Variants in FBXO7 observed in about 807,000 individuals in gnomAD.
FBXO7 encodes the protein F-box protein 7, also known as F-box only protein 7.
Under a neutral mutation model 50.2 loss-of-function variants are expected in FBXO7, and 31 were observed. The ratio of observed to expected loss-of-function variants is 0.62; its 90% CI spans 0.46 to 0.83. The LOEUF is 0.83. Ranked by LOEUF, FBXO7 falls within the 40% of genes least tolerant of loss-of-function variation. The pLI, the probability that FBXO7 is intolerant of heterozygous loss-of-function variation, is 0.00. For synonymous variants in FBXO7, 256 were observed against 253.1 expected, an observed-to-expected ratio of 1.01 and a Z score of -0.11; for missense variants, 667 against 646.6, an observed-to-expected ratio of 1.03 and a Z score of -0.34.
At chr22:32,477,808 A>G (rs986693296) in intron 1 of FBXO7, among the ~76,000 whole-genome samples, 2 of 152,202 alleles carry the variant, frequency 1.3e-5, no homozygotes, top group Non-Finnish European at 2.9e-5. Flanking sequence ...TGGTGGTTGC[A>G]TTTATTTCAC....
intron 2 of FBXO7, among the ~76,000 whole-genome samples, chr22:32,482,711 T>A (rs2145991872): frequency 6.6e-6 from 1 of 152,356 alleles, no homozygotes; most frequent in East Asian, 1.9e-4. Context: ...GAAAACATTT[T>A]GAAAATAAAG....
intron 7 of FBXO7, 110 bp from the exon 8 acceptor site, chr22:32,495,383 T>A (rs1019060198): frequency 1.5e-5 from 10 of 657,898 alleles, no homozygotes; most frequent in East Asian, 1.4e-4. Flanking sequence ...TTTTTTTTTT[T>A]ATGCTTAACG....
chr22:32,475,597 A>G, intron 1 of FBXO7: 1 of 668,638 alleles, frequency 1.5e-6, no homozygotes, highest in Non-Finnish European at 2.4e-6. Flanking sequence ...GCTAGAAGTT[A>G]AAAATCTGCC....
rs746320387 is a variant in FBXO7, at chr22:32,498,198, A to G, written c.1237A>G (p.Met413Val). ...AGAATCCCCGAAAGGGCGGTTTGTG[A>G]TGCTCCTGCCATCGTCAACTCACAC... ...RKESPKGRFV[M>V]LLPSSTHTIP... The change falls in exon 9 of 9, where the codon ATG becomes GTG. Residue 413 changes from methionine to valine, a missense_variant. Transcript: ENST00000266087. The G allele has an allele frequency of 3.1e-6, 5 of 1,614,214 alleles. No homozygotes were observed. In the South Asian group the frequency reaches 3.3e-5, roughly 11 times the overall value.
At chr22:32,492,036 A>G (rs1853702518) in intron 6 of FBXO7, 1 of 152,140 alleles carries the variant, frequency 6.6e-6, no homozygotes, top group African/African-American at 2.4e-5. Context: ...GAAATTATAT[A>G]TGTCACTTCC....
chr22:32,482,964 G>A lies in FBXO7; in HGVS notation c.418-933G>A, dbSNP rs567093220. 9.8e-5 allele frequency among the ~76,000 whole-genome samples: 15 copies of A among 152,322 alleles called. No homozygotes were observed. In the South Asian group the frequency reaches 2.5e-3, roughly 25 times the overall value. ...AGTTGTGGTCTGTGTTACCTCTTTT[G>A]AAGAAGTGGAAAATACTGGGATGAG... On this transcript the variant is annotated intron_variant, in intron 2 of 8. Coordinates refer to ENST00000266087, the MANE Select transcript of FBXO7 (RefSeq NM_012179.4).
chr22:32,492,763 G>C (rs553388267), intron 6 of FBXO7: 1 of 280,064 alleles, frequency 3.6e-6, no homozygotes, highest in African/African-American at 2.2e-5. Context: ...TTCTGTAGTT[G>C]AATGAAGAAA....
rs753460095 is a variant in FBXO7 at position 32,498,178 on chromosome 22, C to T, written c.1217C>T (p.Ser406Phe). Residue 406 changes from serine (S) to phenylalanine (F), a missense_variant, in exon 9 of 9, where the codon TCC becomes TTC. By Grantham distance (155) the Ser-to-Phe change is radical (BLOSUM62 -2). Coordinates refer to ENST00000266087, the MANE Select transcript of FBXO7 (RefSeq NM_012179.4). ...YRKRHIQRKE[S>F]PKGRFVMLLP... is the part of the protein sequence containing the mutation. ...AAGAGGCACATACAAAGAAAAGAAT[C>T]CCCGAAAGGGCGGTTTGTGATGCTC... 8 of 1,614,028 alleles carry T rather than the reference C, an allele frequency of 5.0e-6. No homozygotes were observed. In the East Asian group the frequency reaches 8.9e-5, roughly 18 times the overall value.
Position 32,491,220 on chromosome 22 carries a change from A to G in FBXO7, c.967+39A>G, listed in dbSNP as rs1189978896. On this transcript the variant is annotated intron_variant, in intron 6 of 8. Coordinates refer to ENST00000266087, the MANE Select transcript of FBXO7 (RefSeq NM_012179.4). ...TACTGTCACAATTTAAATGACTGTA[A>G]AGAATAGTAAGTATACTTAATATTC... 7 of 1,360,984 alleles carry G rather than the reference A, an allele frequency of 5.1e-6. No homozygotes were observed. In the South Asian group the frequency reaches 8.2e-5, roughly 16 times the overall value. 84.3% of individuals were successfully genotyped at this position (1,360,984 alleles called of 1,614,324 possible).
At chr22:32,492,791 A>G (rs1353336097) in intron 6 of FBXO7, 3 of 338,256 alleles carry the variant, frequency 8.9e-6, no homozygotes, top group Non-Finnish European at 1.6e-5. Context: ...GTATTGAATA[A>G]TGTTTGAGAC....
chr22:32,478,074 C>G (rs181125628), intron 1 of FBXO7: 1 of 152,320 alleles, frequency 6.6e-6, no homozygotes, highest in East Asian at 1.9e-4. Flanking sequence ...GAAGAACAAA[C>G]GGAGAGGCCC....
chr22:32,485,120 T>C lies in FBXO7; in HGVS notation c.698T>C (p.Val233Ala), dbSNP rs1255264831. The C allele has an allele frequency of 6.2e-7, 1 of 1,613,886 alleles. No homozygotes were observed. Among genetic ancestry groups the C allele is most frequent in the Non-Finnish European group, 8.5e-7 (1 of 1,180,022 alleles). The stretch of plus-strand genomic sequence containing the variant: ...CCGGAGAAGTGGAAGTTGAGCGGGG[T>C]GTATAAGCTGCAGTACATGCATCCT... Reference protein sequence around the residue: ...SMPEKWKLSGVYKLQYMHPLC... With the variant: ...SMPEKWKLSGAYKLQYMHPLC... The change falls in exon 4 of 9, where the codon GTG becomes GCG. Residue 233 changes from valine (V) to alanine (A), a missense_variant. Coordinates refer to ENST00000266087, the MANE Select transcript of FBXO7 (RefSeq NM_012179.4).
intron 6 of FBXO7, chr22:32,491,390 T>A: frequency 1.9e-6 from 1 of 513,506 alleles, no homozygotes; most frequent in Non-Finnish European, 3.5e-6. Flanking sequence ...TTGTAGTCTC[T>A]TTTCCATGGA....
intron 2 of FBXO7, among the ~76,000 whole-genome samples, chr22:32,481,802 C>A (rs2145991054): frequency 6.6e-6 from 1 of 152,264 alleles, no homozygotes; most frequent in Admixed American, 6.5e-5. Context: ...TATTAGCTCT[C>A]ATGCATCTTA....
rs571296773 is a variant in FBXO7, at chr22:32,475,416, G to A, written c.122+292G>A. ...CCTCCTCGGTGAGTCATGGCTTCTG[G>A]TTTTGCAGTAAACGGAACCAGGGAG... On this transcript the variant is annotated intron_variant, in intron 1 of 8. Transcript: ENST00000266087. 4 of 1,610,768 alleles carry A rather than the reference G, an allele frequency of 2.5e-6. No homozygotes were observed. The East Asian group carries it at 9.0e-5, about 36-fold the overall frequency.
At chr22:32,489,411 C>T (rs1423583693) in intron 5 of FBXO7, 1 of 152,220 alleles carries the variant, frequency 6.6e-6, no homozygotes, top group Admixed American at 6.5e-5. Context: ...AATTCCTTGG[C>T]TACGACACTC....
At chr22:32,479,320 C>G in intron 2 of FBXO7, 45 bp downstream of exon 2, 1 of 1,535,488 alleles carries the variant, frequency 6.5e-7, no homozygotes. Context: ...GGTGATAAGT[C>G]ATATTGAACA....
chr22:32,490,046 T>G (rs902313423), intron 5 of FBXO7: 1 of 152,358 alleles, frequency 6.6e-6, no homozygotes, highest in African/African-American at 2.4e-5. Flanking sequence ...CAACAAAGAT[T>G]TAGACATTAG....
rs756622722 is a variant in FBXO7 at position 32,498,277 on chromosome 22, T to C, written c.1316T>C (p.Leu439Pro). 9.3e-6 allele frequency: 15 copies of C among 1,614,092 alleles called. No homozygotes were observed. Among genetic ancestry groups the C allele is most frequent in the Non-Finnish European group, 1.2e-5 (14 of 1,180,044 alleles). The change falls in exon 9 of 9, where the codon CTT (leucine) becomes CCT (proline). Residue 439 changes from leucine (L) to proline (P), a missense_variant. Transcript: ENST00000266087. ...CCTAGGCCATTTCCTAGCTCCCGCCTTCCTCCAGGAATTATCGGGGGTGAA... is the reference window on the plus strand; with the variant it reads ...CCTAGGCCATTTCCTAGCTCCCGCCCTCCTCCAGGAATTATCGGGGGTGAA... ...LHPRPFPSSR[L>P]PPGIIGGEYD... is the part of the protein sequence containing the mutation.
Sources: gnomAD v4.1 joint callset for allele counts (sites outside exome capture counted in the v4.1 genomes callset) on GRCh38, gnomAD v4.1.1 for gene constraint, MANE v1.5 for transcripts, NCBI Gene and HGNC (gene_info 2026-07-23, HGNC 2026-07-21) for gene names.